The following ERC1 variants were observed in gnomAD, a reference collection of about 807,000 sequenced individuals.
The protein encoded by ERC1 is ELKS/RAB6-interacting/CAST family member 1.
Under a neutral mutation model 132.0 loss-of-function variants are expected in ERC1, and 56 were observed. The observed-to-expected ratio is 0.42, with a 90% CI of 0.34 to 0.53. The LOEUF (loss-of-function observed/expected upper bound fraction) is 0.53. ERC1 is among the 20% of genes least tolerant of loss of function. The pLI, the probability that ERC1 is intolerant of heterozygous loss-of-function variation, is 0.03. For synonymous variants in ERC1, 478 were observed against 476.1 expected, an observed-to-expected ratio of 1.00 and a Z score of -0.05; for missense variants, 1,202 against 1,349.9, an observed-to-expected ratio of 0.89 and a Z score of 1.72.
At chr12:1,279,711 C>T (rs933168891) in intron 14 of ERC1, among the ~76,000 whole-genome samples, 11 of 146,650 alleles carry the variant, frequency 7.5e-5, no homozygotes, top group African/African-American at 2.5e-4. Flanking sequence ...TTTTTTGAGA[C>T]GGAGTCTCGC....
At chr12:1,349,479 A>C (rs1433071529) in intron 15 of ERC1, among the ~76,000 whole-genome samples, 1 of 152,084 alleles carries the variant, frequency 6.6e-6, no homozygotes, top group Non-Finnish European at 1.5e-5. Flanking sequence ...AGCCTGTCCA[A>C]TATGGTGAAA....
intron 16 of ERC1, among the ~76,000 whole-genome samples, chr12:1,373,681 G>A (rs930367812): frequency 6.6e-6 from 1 of 152,220 alleles, no homozygotes; most frequent in Non-Finnish European, 1.5e-5. Flanking sequence ...TTGGGAGGCT[G>A]AGGCAGGAGA....
At chr12:1,351,651 T>G (rs1340394184) in intron 15 of ERC1, among the ~76,000 whole-genome samples, 2 of 152,198 alleles carry the variant, frequency 1.3e-5, no homozygotes, top group Non-Finnish European at 2.9e-5. Context: ...TCCTTTTATC[T>G]TGTTTTATTT....
intron 1 of ERC1, among the ~76,000 whole-genome samples, chr12:1,014,947 A>G (rs1393466521): frequency 2.6e-5 from 4 of 151,080 alleles, no homozygotes; most frequent in Non-Finnish European, 5.9e-5. Flanking sequence ...TATTTTTAGT[A>G]GAGATGGGGT....
At chr12:1,402,417 C>T (rs187784913) in intron 16 of ERC1, among the ~76,000 whole-genome samples, 2 of 152,130 alleles carry the variant, frequency 1.3e-5, no homozygotes, top group East Asian at 3.9e-4. Flanking sequence ...GTAATCTCAG[C>T]TACTCAGGAG....
chr12:994,944 C>A (rs1436012792), intron 1 of ERC1, among the ~76,000 whole-genome samples: 1 of 151,934 alleles, frequency 6.6e-6, no homozygotes, highest in African/African-American at 2.4e-5. Flanking sequence ...AAAATACAAA[C>A]AATTAGCTGG....
intron 12 of ERC1, among the ~76,000 whole-genome samples, chr12:1,202,217 C>T (rs569889363): frequency 5.3e-5 from 8 of 152,270 alleles, no homozygotes; most frequent in African/African-American, 1.9e-4. Context: ...CCAAAGTTTC[C>T]TGTGGGCACA....
At chr12:1,465,573 A>G (rs1344411050) in intron 18 of ERC1, among the ~76,000 whole-genome samples, 1 of 152,358 alleles carries the variant, frequency 6.6e-6, no homozygotes, top group East Asian at 1.9e-4. Flanking sequence ...CCCTTCTTCC[A>G]GTGGGGCATA....
At chr12:1,346,803 G>A (rs1416408842) in intron 15 of ERC1, among the ~76,000 whole-genome samples, 9 of 151,096 alleles carry the variant, frequency 6.0e-5, no homozygotes, top group African/African-American at 1.5e-4. Context: ...TTAGCCGGGC[G>A]CGGTGGCGGG....
intron 2 of ERC1, among the ~76,000 whole-genome samples, chr12:1,034,574 A>C (rs12322032): frequency 0.12 from 17,941 of 152,088 alleles, 1,536 homozygotes; most frequent in African/African-American, 0.24. Context: ...TCAAATTTAG[A>C]GTAGATTTGA....
intron 18 of ERC1, among the ~76,000 whole-genome samples, chr12:1,451,845 T>G (rs1276981023): frequency 6.6e-6 from 1 of 152,104 alleles, no homozygotes; most frequent in East Asian, 1.9e-4. Context: ...TATTTAGAGA[T>G]AAGACCTTTA....
chr12:1,278,867 T>C (rs113538533), intron 14 of ERC1, among the ~76,000 whole-genome samples: 84 of 152,318 alleles, frequency 5.5e-4, no homozygotes, highest in African/African-American at 1.9e-3. Context: ...ACATGAACTC[T>C]TTCTTTTAGA....
chr12:1,292,430 G>T (rs1031985830), intron 15 of ERC1, among the ~76,000 whole-genome samples: 2 of 152,138 alleles, frequency 1.3e-5, no homozygotes, highest in African/African-American at 4.8e-5. Context: ...TTTAAAAGAT[G>T]ATGTCAACAC....
At chr12:1,110,473 T>A in intron 5 of ERC1, 126 bp downstream of exon 5, 1 of 722,774 alleles carries the variant, frequency 1.4e-6, no homozygotes, top group Middle Eastern at 4.0e-4. Context: ...AAGAATACTT[T>A]TAGCATAGTT....
intron 2 of ERC1, among the ~76,000 whole-genome samples, chr12:1,057,129 G>T (rs1973114241): frequency 6.6e-6 from 1 of 151,956 alleles, no homozygotes; most frequent in African/African-American, 2.4e-5. Flanking sequence ...TATTTTTAGT[G>T]TTTTTTTGTT....
chr12:1,028,154 C>T lies in ERC1; in HGVS notation c.251C>T (p.Thr84Ile), dbSNP rs1323606527. ...GACCATGAAAATGTGGGTTCAGAAA[C>T]ACCTAAAAGCACCATGACACTTGGC... is the stretch of plus-strand genomic sequence containing the variant. ...LSDHENVGSE[T>I]PKSTMTLGRS... The change falls in exon 2 of 19, where the codon ACA becomes ATA. Residue 84 changes from threonine to isoleucine, a missense_variant. Coordinates refer to ENST00000360905, the MANE Select transcript of ERC1 (RefSeq NM_178040.4). The T allele has an allele frequency of 1.9e-6, 3 of 1,614,172 alleles. No homozygotes were observed. Among genetic ancestry groups the T allele is most frequent in the Non-Finnish European group, 2.5e-6 (3 of 1,180,032 alleles).
chr12:1,118,501 A>G (rs73039014), intron 7 of ERC1, among the ~76,000 whole-genome samples: 126 of 152,346 alleles, frequency 8.3e-4, no homozygotes, highest in Admixed American at 2.2e-3. Flanking sequence ...GCTGAGTCTC[A>G]GTGATTATTT....
At chr12:1,377,074 T>C (rs11061726) in intron 16 of ERC1, among the ~76,000 whole-genome samples, 17,261 of 152,214 alleles carry the variant, frequency 0.11, 2,429 homozygotes, top group African/African-American at 0.33. Context: ...TGCTTAATCC[T>C]CCAAAGACCG....
At chr12:1,226,634 A>G (rs2074595832) in intron 12 of ERC1, among the ~76,000 whole-genome samples, 1 of 152,082 alleles carries the variant, frequency 6.6e-6, no homozygotes, top group Non-Finnish European at 1.5e-5. Context: ...GAGTTCTGTG[A>G]ATTTGATGTT....
Sources: gnomAD v4.1 joint callset for allele counts (sites outside exome capture counted in the v4.1 genomes callset) on GRCh38, gnomAD v4.1.1 for gene constraint, MANE v1.5 for transcripts, NCBI Gene and HGNC (gene_info 2026-07-23, HGNC 2026-07-21) for gene names.